Variants in NUGGC observed in about 807,000 individuals in gnomAD.
The protein encoded by NUGGC is nuclear GTPase SLIP-GC.
A neutral mutation model predicts 92.6 loss-of-function variants in NUGGC; 58 were observed. That is an observed-to-expected ratio of 0.63 (90% CI 0.51 to 0.78). The LOEUF (loss-of-function observed/expected upper bound fraction) is 0.78, where lower values mean the gene tolerates loss of function less well. Ranked by LOEUF, NUGGC falls within the 30% of genes least tolerant of loss-of-function variation. The pLI is 0.00. For missense variants in NUGGC, 925 were observed against 964.6 expected (o/e 0.96, Z 0.54); for synonymous variants, 376 against 366.4 (o/e 1.03, Z -0.30).
chr8:28,061,339 A>G (rs1014375937), intron 7 of NUGGC, among the ~76,000 whole-genome samples: 2 of 152,216 alleles, frequency 1.3e-5, no homozygotes, highest in African/African-American at 4.8e-5. Context: ...TAAATATGCA[A>G]CTTTCACATG....
chr8:28,050,167 C>A lies in NUGGC; in HGVS notation c.1207-2555G>T, dbSNP rs534982518. Among the ~76,000 whole-genome samples, 64 of 152,172 alleles carry A rather than the reference C, an allele frequency of 4.2e-4. 1 individual carries two copies. The Middle Eastern group carries it at 0.02, about 49-fold the overall frequency. On this transcript the variant is annotated intron_variant, in intron 10 of 18. Coordinates refer to ENST00000413272, the MANE Select transcript of NUGGC (RefSeq NM_001010906.2). ...TCGGGAGGCCGAGGCGGGCAAATCA[C>A]CGGAGGTCTGGAGTTTGAGACCAGC...
chr8:28,052,093 T>C (rs752391783), intron 10 of NUGGC, among the ~76,000 whole-genome samples: 3 of 152,210 alleles, frequency 2.0e-5, no homozygotes, highest in Non-Finnish European at 4.4e-5. Flanking sequence ...GAAGGATCTA[T>C]GTGCCTGTGT....
intron 13 of NUGGC, among the ~76,000 whole-genome samples, chr8:28,039,001 C>T (rs966959162): frequency 2.0e-5 from 3 of 152,266 alleles, no homozygotes; most frequent in East Asian, 1.9e-4. Context: ...TGCACGCATG[C>T]GTACATACTA....
At chr8:28,030,602 T>C (rs1809392833) in intron 15 of NUGGC, among the ~76,000 whole-genome samples, 184 bp from the exon 16 acceptor site, 1 of 152,204 alleles carries the variant, frequency 6.6e-6, no homozygotes, top group East Asian at 1.9e-4. Context: ...TAAGCATCTT[T>C]ATACCCCAAG....
At chr8:28,034,554 A>C (rs1464147285) in intron 13 of NUGGC, among the ~76,000 whole-genome samples, 5 of 152,282 alleles carry the variant, frequency 3.3e-5, no homozygotes, top group Admixed American at 2.6e-4. Flanking sequence ...AGTGGCTCAT[A>C]CTGGTAATCT....
intron 8 of NUGGC, 151 bp downstream of exon 8, chr8:28,060,275 G>A (rs761145976): frequency 8.2e-5 from 66 of 804,056 alleles, no homozygotes; most frequent in Admixed American, 8.0e-5. Flanking sequence ...GATGTCCCAG[G>A]AAGTCACCCA....
chr8:28,045,640 A>G lies in NUGGC; in HGVS notation c.1333T>C (p.Tyr445His). 2 of 1,612,370 alleles carry G rather than the reference A, an allele frequency of 1.2e-6. No individual in the cohort carries two copies. The highest frequency in any genetic ancestry group is 1.7e-6 in the Non-Finnish European group (2 of 1,179,566). ...TTGTCCAAGAGGCTCTTCCTGATGT[A>G]TTCTCTTAACTTAGGGATTTCTGGA... ...EETEIPKLRE[Y>H]IRKSLLDKKK... Residue 445 changes from tyrosine to histidine, a missense_variant, in exon 12 of 19, where the codon TAC (tyrosine) becomes CAC (histidine). Transcript: ENST00000413272.
intron 1 of NUGGC, among the ~76,000 whole-genome samples, chr8:28,078,829 G>C (rs902354407): frequency 1.2e-4 from 18 of 152,176 alleles, no homozygotes; most frequent in African/African-American, 4.3e-4. Flanking sequence ...TCCCCCCAAA[G>C]GGAAGGAATG....
chr8:28,024,195 C>CTTT lies in NUGGC; in HGVS notation c.2246-736_2246-734dup, dbSNP rs763885790. Among the ~76,000 whole-genome samples, 120 of 124,008 alleles carry CTTT rather than the reference C, an allele frequency of 9.7e-4. 2 individuals are homozygous for CTTT. The East Asian group carries it at 0.013, about 13-fold the overall frequency. The allele number at this position is 124,008 out of a possible 152,430, so 81.4% of individuals were successfully genotyped here. On this transcript the variant is annotated intron_variant, in intron 18 of 18. Coordinates refer to ENST00000413272, the MANE Select transcript of NUGGC (RefSeq NM_001010906.2). The stretch of plus-strand genomic sequence containing the variant: ...ACCACCTCGCCTAGCTAAATTCTTT[C>CTTT]TTTTTTTTTTTTTTTTTTTTTGTAT...
intron 11 of NUGGC, 141 bp downstream of exon 11, chr8:28,047,366 T>G: frequency 3.4e-6 from 2 of 589,308 alleles, no homozygotes; most frequent in Non-Finnish European, 6.0e-6. Flanking sequence ...GAAAATATCC[T>G]TATTTGCAAT....
At chr8:28,079,630 T>C (rs773197765) in intron 1 of NUGGC, among the ~76,000 whole-genome samples, 3 of 152,206 alleles carry the variant, frequency 2.0e-5, no homozygotes, top group African/African-American at 4.8e-5. Context: ...AGTAAGATTA[T>C]GGCAATGAGG....
intron 6 of NUGGC, 64 bp from the exon 7 acceptor site, chr8:28,064,795 C>T: frequency 1.4e-6 from 2 of 1,408,156 alleles, no homozygotes; most frequent in Non-Finnish European, 1.0e-6. Flanking sequence ...CCCCGGTTGG[C>T]TGTGATGCAG....
At chr8:28,038,137 T>C (rs539794944) in intron 13 of NUGGC, among the ~76,000 whole-genome samples, 31 of 152,292 alleles carry the variant, frequency 2.0e-4, no homozygotes, top group African/African-American at 7.2e-4. Flanking sequence ...CACTTCCTCA[T>C]GGCTAAGAAT....
intron 6 of NUGGC, among the ~76,000 whole-genome samples, chr8:28,066,833 C>A (rs1481934119): frequency 1.3e-5 from 2 of 152,208 alleles, no homozygotes; most frequent in South Asian, 4.1e-4. Flanking sequence ...ACTGGGGAGG[C>A]AGTGGAGTGA....
chr8:28,070,364 T>A lies in NUGGC; in HGVS notation c.44-8A>T, dbSNP rs761003309. 3.7e-6 allele frequency: 5 copies of A among 1,346,880 alleles called. No individual in the cohort carries two copies. The highest frequency in any genetic ancestry group is 5.2e-6 in the Non-Finnish European group (5 of 961,544). 83.4% of individuals were successfully genotyped at this position (1,346,880 alleles called of 1,614,324 possible). A position where few individuals can be genotyped will look rare whatever the true frequency, so the allele number is the denominator to read the frequency against. The stretch of plus-strand genomic sequence containing the variant: ...TATATAAATCATCTTCAACTAGAGA[T>A]AAACAGAGGATATATAAGATTATAG... On this transcript the variant is annotated splice_region_variant and splice_polypyrimidine_tract_variant and intron_variant, in intron 2 of 18. Transcript: ENST00000413272.
chr8:28,070,002 C>T, intron 3 of NUGGC: 1 of 648,420 alleles, frequency 1.5e-6, no homozygotes, highest in Non-Finnish European at 1.9e-6. Context: ...AAGCACCAAC[C>T]TCATCATTTT....
chr8:28,032,207 C>T (rs534200776), intron 14 of NUGGC, among the ~76,000 whole-genome samples: 1 of 152,022 alleles, frequency 6.6e-6, no homozygotes, highest in Non-Finnish European at 1.5e-5. Context: ...GAATTGTAAA[C>T]AGGGCGGGGG....
At chr8:28,033,769 C>T (rs1437790347) in intron 13 of NUGGC, 72 bp from the exon 14 acceptor site, 4 of 1,312,786 alleles carry the variant, frequency 3.0e-6, no homozygotes, top group South Asian at 1.2e-5. Flanking sequence ...TTGCATTGCC[C>T]TGGCCAAAGA....
chr8:28,033,261 G>C (rs1451714206), intron 14 of NUGGC, among the ~76,000 whole-genome samples: 1 of 152,198 alleles, frequency 6.6e-6, no homozygotes, highest in Non-Finnish European at 1.5e-5. Context: ...AGATCCCTAA[G>C]AAAATGTATC....
Sources: allele counts gnomAD v4.1 joint callset (sites outside exome capture counted in the v4.1 genomes callset), GRCh38; gene constraint gnomAD v4.1.1; transcripts MANE v1.5; gene names NCBI Gene and HGNC (gene_info 2026-07-23, HGNC 2026-07-21).